The following MAP3K4 variants were observed in gnomAD, a reference collection of about 807,000 sequenced individuals.
MAP3K4 encodes the protein MAP three kinase 1.
Under a neutral mutation model 185.6 loss-of-function variants are expected in MAP3K4, and 67 were observed. The observed-to-expected ratio is 0.36, with a 90% CI of 0.30 to 0.44. The LOEUF (loss-of-function observed/expected upper bound fraction) is 0.44. MAP3K4 is among the 20% of genes least tolerant of loss of function. The probability of loss-of-function intolerance (pLI) is 1.00; values close to 1 mark genes in which losing one functional copy is unlikely to be tolerated. For missense variants in MAP3K4, 1,551 were observed against 1,995.1 expected, an observed-to-expected ratio of 0.78 and a Z score of 4.24; for synonymous variants, 702 against 710.4, an observed-to-expected ratio of 0.99 and a Z score of 0.19.
rs111305460 is a variant in MAP3K4 at position 161,012,868 on chromosome 6, G to A, written c.152+20785G>A. ...TCTAAATGTATTGTGAGCATTTGGC[G>A]TGTTAATAAAAATATTATAACATCA... On this transcript the variant is annotated intron_variant, in intron 1 of 26. Transcript: ENST00000392142. Among the ~76,000 whole-genome samples the A allele has an allele frequency of 3.2e-3, 489 of 152,222 alleles. 4 individuals carry two copies. Among genetic ancestry groups the A allele is most frequent in the African/African-American group, 0.011 (465 of 41,548 alleles).
chr6:161,102,245 T>A (rs1487169870), intron 18 of MAP3K4, among the ~76,000 whole-genome samples: 1 of 152,226 alleles, frequency 6.6e-6, no homozygotes, highest in African/African-American at 2.4e-5. Context: ...TTTAAAAATA[T>A]TATTATTCTA....
intron 3 of MAP3K4, among the ~76,000 whole-genome samples, chr6:161,059,947 A>G (rs1229285259): frequency 6.6e-6 from 1 of 151,256 alleles, no homozygotes; most frequent in Non-Finnish European, 1.5e-5. Context: ...GTTGCCCCAC[A>G]TGTTTCTATT....
At chr6:161,041,024 CA>C (rs1193511027) in intron 2 of MAP3K4, among the ~76,000 whole-genome samples, 1 of 152,206 alleles carries the variant, frequency 6.6e-6, no homozygotes, top group Non-Finnish European at 1.5e-5. Context: ...GCCTGGGAGC[CA>C]CCTGGAGGAG....
chr6:161,045,265 T>C (rs1783675996), intron 2 of MAP3K4, among the ~76,000 whole-genome samples: 1 of 152,210 alleles, frequency 6.6e-6, no homozygotes, highest in Admixed American at 6.5e-5. Context: ...ATCTTGCTCC[T>C]TTCCCAATTT....
At chr6:161,036,192 T>C (rs1185407053) in intron 2 of MAP3K4, among the ~76,000 whole-genome samples, 1 of 152,152 alleles carries the variant, frequency 6.6e-6, no homozygotes, top group Non-Finnish European at 1.5e-5. Flanking sequence ...ATTTTTAAAA[T>C]TGTTTATTTT....
In MAP3K4 at chr6:161,056,106, C is replaced by T. The variant is rs1448055164; in HGVS notation, c.1707+6127C>T. 6.6e-6 allele frequency among the ~76,000 whole-genome samples: 1 copy of T among 152,192 alleles called. No individual in the cohort carries two copies. The highest frequency in any genetic ancestry group is 2.4e-5 in the African/African-American group (1 of 41,452). The stretch of plus-strand genomic sequence containing the variant: ...CTGTTCTTGTTTTAGCCCATTGGAG[C>T]TCTTTCAGTTGCCTTCTGTGTCGTT... On this transcript the variant is annotated intron_variant, in intron 3 of 26. Coordinates refer to ENST00000392142, the MANE Select transcript of MAP3K4 (RefSeq NM_005922.4). The surrounding 1 kb of genome is among the most constrained non-coding windows in gnomAD (Gnocchi z 5.4).
intron 2 of MAP3K4, among the ~76,000 whole-genome samples, chr6:161,044,993 G>A (rs1411163221): frequency 6.6e-6 from 1 of 152,132 alleles, no homozygotes; most frequent in Non-Finnish European, 1.5e-5. Context: ...TTCAGCATGA[G>A]ATTTGGAGGG....
At chr6:161,035,076 G>A (rs1015915098) in intron 2 of MAP3K4, among the ~76,000 whole-genome samples, 3 of 151,954 alleles carry the variant, frequency 2.0e-5, no homozygotes, top group Middle Eastern at 3.4e-3. Flanking sequence ...TTAGTGGGAC[G>A]TAACTGTTCT....
intron 1 of MAP3K4, among the ~76,000 whole-genome samples, chr6:161,009,870 G>A (rs1057111592): frequency 2.0e-5 from 3 of 152,114 alleles, no homozygotes; most frequent in Admixed American, 1.3e-4. Context: ...TCGGGGGAAG[G>A]AGGTGGCGGG....
chr6:161,039,884 T>G (rs150701939), intron 2 of MAP3K4, among the ~76,000 whole-genome samples: 5 of 152,344 alleles, frequency 3.3e-5, no homozygotes, highest in African/African-American at 7.2e-5. Flanking sequence ...GTTTGGATCA[T>G]TATAACCATG....
chr6:161,058,185 C>T (rs1427080026), intron 3 of MAP3K4, among the ~76,000 whole-genome samples: 1 of 152,216 alleles, frequency 6.6e-6, no homozygotes, highest in African/African-American at 2.4e-5. Flanking sequence ...TACAGTCTCC[C>T]AAAGTTACAT....
rs1785718052 is a variant in MAP3K4, at chr6:161,086,485, T to C, written c.2472+7T>C. 6.2e-7 allele frequency: 1 copy of C among 1,612,228 alleles called. No individual in the cohort carries two copies. Among genetic ancestry groups the C allele is most frequent in the Admixed American group, 1.7e-5 (1 of 59,776 alleles). ...TGCTAAAATGTTGAGAAAGGTGAGC[T>C]TGCAATCCTGATTAATTAGTACCTT... On this transcript the variant is annotated splice_region_variant and intron_variant, in intron 8 of 26. Coordinates refer to ENST00000392142, the MANE Select transcript of MAP3K4 (RefSeq NM_005922.4). The surrounding 1 kb of genome is among the most constrained non-coding windows in gnomAD (Gnocchi z 4.8).
rs766511401 is a variant in MAP3K4 at position 161,116,587 on chromosome 6, A to C, written c.4807-263A>C. On this transcript the variant is annotated intron_variant, in intron 26 of 26. Coordinates refer to ENST00000392142, the MANE Select transcript of MAP3K4 (RefSeq NM_005922.4). The surrounding 1 kb of genome is among the most constrained non-coding windows in gnomAD (Gnocchi z 6.2). ...AATTTATGTCTTAGTTATGAAGTGCATAACAATTTATATTGACCTGAGAGT... is the reference window on the plus strand; with the variant it reads ...AATTTATGTCTTAGTTATGAAGTGCCTAACAATTTATATTGACCTGAGAGT... Among the ~76,000 whole-genome samples the C allele has an allele frequency of 1.3e-5, 2 of 152,228 alleles. No homozygotes were observed. The highest frequency in any genetic ancestry group is 2.9e-5 in the Non-Finnish European group (2 of 68,034).
chr6:160,992,006 G>GCCA lies in MAP3K4; in HGVS notation c.77_78insACC (p.Pro36dup). 2 of 1,543,932 alleles carry GCCA rather than the reference G, an allele frequency of 1.3e-6. No individual in the cohort carries two copies. The highest frequency in any genetic ancestry group is 2.8e-5 in the African/African-American group (2 of 70,610). Reference sequence around the variant, plus strand: ...CGCCTGCCGCCGCCATGGAGGAGCCGCCGCCACCGCCGCCGCCGCCACCAC... The same window carrying GCCA: ...CGCCTGCCGCCGCCATGGAGGAGCCGCCACCGCCACCGCCGCCGCCGCCACCAC... On this transcript the variant is annotated inframe_insertion, in exon 1 of 27. Coordinates refer to ENST00000392142, the MANE Select transcript of MAP3K4 (RefSeq NM_005922.4).
At chr6:161,069,981 G>A (rs545791209) in intron 3 of MAP3K4, among the ~76,000 whole-genome samples, 3 of 152,220 alleles carry the variant, frequency 2.0e-5, no homozygotes, top group African/African-American at 4.8e-5. Flanking sequence ...AAAAGAACGG[G>A]GGTGGGGGCG....
chr6:161,025,644 C>G (rs537946396), intron 1 of MAP3K4, among the ~76,000 whole-genome samples: 32 of 152,286 alleles, frequency 2.1e-4, no homozygotes, highest in African/African-American at 7.2e-4. Flanking sequence ...TGCTTGATTT[C>G]TAAGAATGCC....
At chr6:161,065,241 T>C (rs1784655233) in intron 3 of MAP3K4, among the ~76,000 whole-genome samples, 1 of 152,240 alleles carries the variant, frequency 6.6e-6, no homozygotes, top group Non-Finnish European at 1.5e-5. Context: ...AGATTCAAAG[T>C]GCATACCAAG....
intron 6 of MAP3K4, 45 bp downstream of exon 6, chr6:161,081,083 C>G (rs377404449): frequency 6.3e-7 from 1 of 1,586,954 alleles, no homozygotes; most frequent in Admixed American, 1.7e-5. Flanking sequence ...CACCTTCTCA[C>G]TCTCACACCA....
intron 1 of MAP3K4, among the ~76,000 whole-genome samples, chr6:161,000,075 T>G (rs1297196440): frequency 4.6e-5 from 7 of 152,244 alleles, no homozygotes; most frequent in Non-Finnish European, 8.8e-5. Context: ...AAACTGTGTT[T>G]ATGGTCGTGA....
Sources: allele counts gnomAD v4.1 joint callset (sites outside exome capture counted in the v4.1 genomes callset), GRCh38; gene constraint gnomAD v4.1.1; non-coding constraint Gnocchi (gnomAD v3.1); transcripts MANE v1.5; gene names NCBI Gene and HGNC (gene_info 2026-07-23, HGNC 2026-07-21).